The following MCCC2 variants were observed in gnomAD, a reference collection of about 807,000 sequenced individuals.
MCCC2 encodes the protein methylcrotonyl-CoA carboxylase subunit 2, also known as methylcrotonoyl-CoA carboxylase beta chain, mitochondrial.
Under a neutral mutation model 77.2 loss-of-function variants are expected in MCCC2, and 52 were observed. The ratio of observed to expected loss-of-function variants is 0.67; its 90% confidence interval spans 0.54 to 0.85. The LOEUF is 0.85. Ranked by LOEUF, MCCC2 falls within the 40% of genes least tolerant of loss-of-function variation. The pLI is 0.00. For missense variants in MCCC2, 682 were observed against 703.2 expected (o/e 0.97, Z 0.34); for synonymous variants, 253 against 248.4 (o/e 1.02, Z -0.18).
At chr5:71,609,745 T>C (rs963392817) in intron 6 of MCCC2, among the ~76,000 whole-genome samples, 8 of 152,242 alleles carry the variant, frequency 5.3e-5, no homozygotes, top group Admixed American at 4.6e-4. Context: ...GATGGGTTTT[T>C]GGTGTGGATG....
At chr5:71,606,386 TG>T (rs1259644481) in intron 6 of MCCC2, among the ~76,000 whole-genome samples, 3 of 152,190 alleles carry the variant, frequency 2.0e-5, no homozygotes, top group African/African-American at 7.2e-5. Context: ...TGTCTGTTGT[TG>T]GTATTTAAGA....
intron 3 of MCCC2, among the ~76,000 whole-genome samples, chr5:71,598,215 TG>T (rs1324879126): frequency 4.1e-5 from 6 of 146,436 alleles, no homozygotes; most frequent in African/African-American, 1.5e-4. Context: ...GGATTACAGG[TG>T]TGCACCACCA....
rs1747600845 is a variant in MCCC2, at chr5:71,657,028, A to G, written c.*168A>G. ...CAGTGAGGATATTTATTTAATGAACATCAATTCCTTTTAAATTTTCTTAGA... is the reference window on the plus strand; with the variant it reads ...CAGTGAGGATATTTATTTAATGAACGTCAATTCCTTTTAAATTTTCTTAGA... On this transcript the variant is annotated 3_prime_UTR_variant, in exon 17 of 17. Transcript: ENST00000340941. 4 of 579,076 alleles carry G rather than the reference A, an allele frequency of 6.9e-6. No individual in the cohort carries two copies. Among genetic ancestry groups the G allele is most frequent in the Non-Finnish European group, 1.2e-5 (4 of 325,074 alleles). 35.9% of individuals were successfully genotyped at this position (579,076 alleles called of 1,614,324 possible). A position where few individuals can be genotyped will look rare whatever the true frequency, so the allele number is the denominator to read the frequency against.
At chr5:71,627,261 C>T (rs2112414305) in intron 7 of MCCC2, among the ~76,000 whole-genome samples, 1 of 152,316 alleles carries the variant, frequency 6.6e-6, no homozygotes, top group African/African-American at 2.4e-5. Context: ...ATTTGGGTTG[C>T]TTCCACTCTC....
intron 1 of MCCC2, among the ~76,000 whole-genome samples, chr5:71,592,249 C>T (rs1561816622): frequency 6.6e-6 from 1 of 152,226 alleles, no homozygotes; most frequent in Non-Finnish European, 1.5e-5. Context: ...GGCATGGTGG[C>T]ACACACCTGT....
At chr5:71,642,205 G>C (rs1747139496) in intron 11 of MCCC2, among the ~76,000 whole-genome samples, 1 of 151,894 alleles carries the variant, frequency 6.6e-6, no homozygotes, top group Non-Finnish European at 1.5e-5. Context: ...ACAGAGAAGG[G>C]GAGTGAGAAG....
Position 71,638,089 on chromosome 5 carries a change from A to T in MCCC2, c.999+2843A>T, listed in dbSNP as rs146939722. ...ATTAACTAAATTTATGTAATACTCT[A>T]TATCCGTAATTGTCATTTCACAGTG... On this transcript the variant is annotated intron_variant, in intron 10 of 16. Transcript: ENST00000340941. 1.6e-3 allele frequency among the ~76,000 whole-genome samples: 240 copies of T among 152,278 alleles called. 2 individuals carry two copies. Among genetic ancestry groups the T allele is most frequent in the African/African-American group, 5.6e-3 (232 of 41,548 alleles).
rs1272772519 is a variant in MCCC2, at chr5:71,607,059, C to T, written c.624+2591C>T. Among the ~76,000 whole-genome samples, 13 of 150,974 alleles carry T rather than the reference C, an allele frequency of 8.6e-5. No homozygotes were observed. In the East Asian group the frequency reaches 1.4e-3, roughly 16 times the overall value. The stretch of plus-strand genomic sequence containing the variant: ...TCTCTTTTTTGGTTGTGTCTCTGCC[C>T]GGCTTTGGTATCAGAATGATGCTGG... On this transcript the variant is annotated intron_variant, in intron 6 of 16. Transcript: ENST00000340941.
At chr5:71,613,274 C>T (rs190444119) in intron 6 of MCCC2, among the ~76,000 whole-genome samples, 81 of 152,300 alleles carry the variant, frequency 5.3e-4, no homozygotes, top group Non-Finnish European at 8.5e-4. Context: ...CACTATAGCC[C>T]TCTATCATCT....
chr5:71,644,072 C>CGT (rs1188965875), intron 12 of MCCC2, among the ~76,000 whole-genome samples, 177 bp downstream of exon 12: 9 of 138,986 alleles, frequency 6.5e-5, no homozygotes, highest in Non-Finnish European at 1.0e-4. Flanking sequence ...TGTGTGTGTG[C>CGT]GCGCGTGTGT....
At chr5:71,656,602 G>A (rs1747587521) in intron 16 of MCCC2, 141 bp from the exon 17 acceptor site, 2 of 760,436 alleles carry the variant, frequency 2.6e-6, no homozygotes, top group Non-Finnish European at 4.8e-6. Flanking sequence ...AGTTTCTGTT[G>A]TGAGATTATG....
chr5:71,610,440 C>T lies in MCCC2; in HGVS notation c.624+5972C>T, dbSNP rs549384975. On this transcript the variant is annotated intron_variant, in intron 6 of 16. Transcript: ENST00000340941. ...CCTGCTTCGGCTCGCACACGGTGCGCGCACCCACTGACCTGCGCCCACTGT... is the reference window on the plus strand; with the variant it reads ...CCTGCTTCGGCTCGCACACGGTGCGTGCACCCACTGACCTGCGCCCACTGT... Among the ~76,000 whole-genome samples the T allele has an allele frequency of 3.2e-4, 48 of 152,280 alleles. No individual in the cohort carries two copies. In the East Asian group the frequency reaches 5.4e-3, roughly 17 times the overall value.
At chr5:71,591,888 G>A (rs1429012225) in intron 1 of MCCC2, among the ~76,000 whole-genome samples, 1 of 152,046 alleles carries the variant, frequency 6.6e-6, no homozygotes, top group African/African-American at 2.4e-5. Context: ...AAGTCGCTGG[G>A]ACACACCACC....
chr5:71,589,174 G>A (rs1183532327), intron 1 of MCCC2, among the ~76,000 whole-genome samples: 3 of 152,174 alleles, frequency 2.0e-5, no homozygotes, highest in Admixed American at 1.3e-4. Flanking sequence ...GAAAATGGAT[G>A]ACTTTGGAGT....
intron 6 of MCCC2, among the ~76,000 whole-genome samples, chr5:71,623,081 G>C (rs994876440): frequency 6.6e-6 from 1 of 152,150 alleles, no homozygotes; most frequent in Non-Finnish European, 1.5e-5. Context: ...AGGTTAGATA[G>C]GTTCTTTGAA....
At chr5:71,612,520 T>C (rs1441867668) in intron 6 of MCCC2, among the ~76,000 whole-genome samples, 5 of 152,164 alleles carry the variant, frequency 3.3e-5, no homozygotes, top group Non-Finnish European at 7.3e-5. Context: ...TTTAATCTGG[T>C]ATTATATTTT....
rs972121233 is a variant in MCCC2 at position 71,621,108 on chromosome 5, C to T, written c.625-5532C>T. ...ATGTCTTTTCAGTGTCCTTAGGTAA[C>T]GTCTTTGTGGTACCACCAGTGAATG... On this transcript the variant is annotated intron_variant, in intron 6 of 16. Transcript: ENST00000340941. Among the ~76,000 whole-genome samples the T allele has an allele frequency of 3.7e-4, 56 of 152,230 alleles. 1 individual carries two copies. The highest frequency in any genetic ancestry group is 1.3e-3 in the African/African-American group (52 of 41,544).
Position 71,587,418 on chromosome 5 carries a change from C to T in MCCC2, c.-8C>T. On this transcript the variant is annotated 5_prime_UTR_variant, in exon 1 of 17. Coordinates refer to ENST00000340941, the MANE Select transcript of MCCC2 (RefSeq NM_022132.5). ...CGTGGGCCGCTCTCTCGCTCGGTGCCCGCCGCCATGTGGGCCGTCCTGAGG... is the reference window on the plus strand; with the variant it reads ...CGTGGGCCGCTCTCTCGCTCGGTGCTCGCCGCCATGTGGGCCGTCCTGAGG... 1.2e-5 allele frequency: 19 copies of T among 1,533,682 alleles called. No individual in the cohort carries two copies. The highest frequency in any genetic ancestry group is 1.7e-5 in the Non-Finnish European group (19 of 1,145,986).
intron 6 of MCCC2, among the ~76,000 whole-genome samples, chr5:71,618,654 G>A (rs1014990011): frequency 6.6e-6 from 1 of 151,816 alleles, no homozygotes; most frequent in African/African-American, 2.4e-5. Flanking sequence ...CCAAAGCATT[G>A]GGATTATAAG....
Sources: gnomAD v4.1 joint callset for allele counts (sites outside exome capture counted in the v4.1 genomes callset) on GRCh38, gnomAD v4.1.1 for gene constraint, MANE v1.5 for transcripts, NCBI Gene and HGNC (gene_info 2026-07-23, HGNC 2026-07-21) for gene names.